The following FAN1 variants were observed in gnomAD, a reference collection of about 807,000 sequenced individuals.
FAN1 encodes fanconi-associated nuclease 1.
FAN1 carries 91 observed loss-of-function variants against 104.9 expected under a neutral mutation model. The ratio of observed to expected loss-of-function variants is 0.87; its 90% CI spans 0.73 to 1.03. The LOEUF is 1.03. FAN1 is among the 50% of genes least tolerant of loss of function. The probability of loss-of-function intolerance (pLI) is 0.00; values close to 1 mark genes in which losing one functional copy is unlikely to be tolerated. For synonymous variants in FAN1, 478 were observed against 457.6 expected (o/e 1.04, Z -0.57); for missense variants, 1,263 against 1,239.9 (o/e 1.02, Z -0.28).
chr15:30,938,648 C>G (rs1173171898), intron 14 of FAN1, among the ~76,000 whole-genome samples: 5 of 152,050 alleles, frequency 3.3e-5, no homozygotes, highest in East Asian at 1.9e-4. Context: ...GACTGGAACC[C>G]CAGTCTGTCT....
At chr15:30,916,099 G>A (rs1038774079) in intron 5 of FAN1, among the ~76,000 whole-genome samples, 9 of 152,080 alleles carry the variant, frequency 5.9e-5, no homozygotes, top group Non-Finnish European at 1.0e-4. Flanking sequence ...GTGTTCAATG[G>A]GAATAACTTT....
intron 12 of FAN1, 28 bp from the exon 13 acceptor site, chr15:30,930,515 G>C (rs376968538): frequency 6.4e-7 from 1 of 1,568,292 alleles, no homozygotes. Context: ...CGAGGGAAGT[G>C]GCTAACTGTC....
At position 30,928,885 on chromosome 15, in the gene FAN1, T is replaced by C. The variant is rs1017810823; in HGVS notation, c.2592+229T>C. 1.6e-5 allele frequency: 12 copies of C among 736,796 alleles called. No individual in the cohort carries two copies. In the African/African-American group the frequency reaches 1.9e-4, roughly 12 times the overall value. The allele number at this position is 736,796 out of a possible 1,614,324, so 45.6% of individuals were successfully genotyped here. Reference sequence around the variant, plus strand: ...TTAGCCTCCACCTTACATTTAGACCTTTCGTATAAAGTACCATCAGCATCA... The same window carrying C: ...TTAGCCTCCACCTTACATTTAGACCCTTCGTATAAAGTACCATCAGCATCA... On this transcript the variant is annotated intron_variant, in intron 11 of 14. Transcript: ENST00000362065.
Position 30,913,853 on chromosome 15 carries a change from T to C in FAN1, c.1578-5T>C, listed in dbSNP as rs1378899237. 1.1e-5 allele frequency: 18 copies of C among 1,586,532 alleles called. No homozygotes were observed. Among genetic ancestry groups the C allele is most frequent in the Non-Finnish European group, 1.5e-5 (18 of 1,164,212 alleles). ...AAAGTTATTTCTACATTGTACATTT[T>C]TCAGAGCCAAAGCCTTGGCTGGACA... On this transcript the variant is annotated splice_region_variant and splice_polypyrimidine_tract_variant and intron_variant, in intron 4 of 14. Coordinates refer to ENST00000362065, the MANE Select transcript of FAN1 (RefSeq NM_014967.5).
Position 30,930,672 on chromosome 15 carries a change from G to T in FAN1, c.2916+1G>T. Reference sequence around the variant, plus strand: ...GAACTCCCAGAGCCGTCACTTTAAGGTCAGTTGAGGCAGAATGGAAAGTCC... The same window carrying T: ...GAACTCCCAGAGCCGTCACTTTAAGTTCAGTTGAGGCAGAATGGAAAGTCC... On this transcript the variant is annotated splice_donor_variant, in intron 13 of 14. Coordinates refer to ENST00000362065, the MANE Select transcript of FAN1 (RefSeq NM_014967.5). LOFTEE classifies it high-confidence loss of function. The T allele has an allele frequency of 6.2e-7, 1 of 1,612,802 alleles. No homozygotes were observed. The highest frequency in any genetic ancestry group is 8.5e-7 in the Non-Finnish European group (1 of 1,179,554).
Position 30,942,839 on chromosome 15 carries a change from G to GC in FAN1, c.*1277_*1278insC. The GC allele has an allele frequency of 6.8e-7, 1 of 1,481,434 alleles. No homozygotes were observed. Among genetic ancestry groups the GC allele is most frequent in the Non-Finnish European group, 9.1e-7 (1 of 1,098,302 alleles). The allele number at this position is 1,481,434 out of a possible 1,614,324, so 91.8% of individuals were successfully genotyped here. A position where few individuals can be genotyped will look rare whatever the true frequency, so the allele number is the denominator to read the frequency against. On this transcript the variant is annotated 3_prime_UTR_variant, in exon 15 of 15. Coordinates refer to ENST00000362065, the MANE Select transcript of FAN1 (RefSeq NM_014967.5). ...TTAACGCTCTCTGTTCTGAAAAAGA[G>GC]GTGTTTGGTTACGTGTGAGCCAACA...
At chr15:30,910,371 T>G (rs762194401) in intron 3 of FAN1, among the ~76,000 whole-genome samples, 12 of 152,218 alleles carry the variant, frequency 7.9e-5, no homozygotes, top group Non-Finnish European at 1.3e-4. Context: ...GTGTCTTTAT[T>G]TTAGTTATGT....
intron 3 of FAN1, 70 bp from the exon 4 acceptor site, chr15:30,910,544 C>A: frequency 2.1e-6 from 2 of 938,438 alleles, no homozygotes; most frequent in Non-Finnish European, 3.1e-6. Context: ...ATTTTATTTT[C>A]ATCTAACTAA....
Position 30,908,154 on chromosome 15 carries a change from G to T in FAN1, c.1271G>T (p.Arg424Leu), listed in dbSNP as rs138307818. 1 of 1,610,068 alleles carries T rather than the reference G, an allele frequency of 6.2e-7. No homozygotes were observed. The highest frequency in any genetic ancestry group is 8.5e-7 in the Non-Finnish European group (1 of 1,178,468). The change falls in exon 3 of 15, where the codon CGT (arginine) becomes CTT (leucine). Residue 424 changes from arginine to leucine, a missense_variant. By Grantham distance (102) the Arg-to-Leu change is moderately radical. Around this residue, in one of 2 missense-constraint regions of FAN1, gnomAD observed 682 missense variants for 571.1 expected, o/e 1.19. Transcript: ENST00000362065. ...GQKLYVRLFQ[R>L]KLSWIKMTKL... The stretch of plus-strand genomic sequence containing the variant: ...AAGTTATATGTAAGGCTCTTTCAAC[G>T]TAAATTAAGCTGGATTAAGATGACC...
intron 8 of FAN1, among the ~76,000 whole-genome samples, chr15:30,924,692 C>T (rs945656897): frequency 6.6e-6 from 1 of 152,144 alleles, no homozygotes; most frequent in African/African-American, 2.4e-5. Flanking sequence ...ATTGACCTGG[C>T]GCTTTGATGT....
chr15:30,938,183 C>CA (rs202231365), intron 14 of FAN1, among the ~76,000 whole-genome samples: 8,379 of 132,756 alleles, frequency 0.063, 346 homozygotes, highest in Admixed American at 0.15. Flanking sequence ...GACTCTGTCT[C>CA]AAAAAAAAAA....
At chr15:30,929,488 G>T in intron 12 of FAN1, 91 bp downstream of exon 12, 1 of 859,836 alleles carries the variant, frequency 1.2e-6, no homozygotes. Context: ...ATACACATGT[G>T]TGTATATGTA....
Position 30,905,284 on chromosome 15 carries a change from G to C in FAN1, c.621G>C (p.Glu207Asp). The change falls in exon 2 of 15, where the codon GAG becomes GAC. Residue 207 changes from glutamate to aspartate, a missense_variant. Physicochemically the swap from Glu to Asp is conservative, Grantham distance 45. Transcript: ENST00000362065. ...SEIEDEDQIL[E>D]NSSQKENVFK... ...TTGAGGACGAGGATCAAATTTTGGA[G>C]AACAGTTCTCAAAAAGAAAACGTGT... The C allele has an allele frequency of 6.2e-7, 1 of 1,614,010 alleles. No individual in the cohort carries two copies. The highest frequency in any genetic ancestry group is 1.1e-5 in the South Asian group (1 of 91,080).
chr15:30,939,854 T>G (rs1046389876), intron 14 of FAN1: 11 of 985,224 alleles, frequency 1.1e-5, no homozygotes, highest in Non-Finnish European at 1.3e-5. Flanking sequence ...TCTATTTGTA[T>G]AAACTGAAAC....
intron 10 of FAN1, 45 bp from the exon 11 acceptor site, chr15:30,928,506 TTG>T (rs61136501): frequency 0.031 from 43,968 of 1,432,572 alleles, 2 homozygotes; most frequent in Non-Finnish European, 0.033. Flanking sequence ...AAAACAGATT[TTG>T]TGTGTGTGTG....
Position 30,942,216 on chromosome 15 carries a change from T to C in FAN1, c.*654T>C. The C allele has an allele frequency of 9.9e-7, 1 of 1,015,170 alleles. No homozygotes were observed. The highest frequency in any genetic ancestry group is 1.4e-6 in the Non-Finnish European group (1 of 695,874). The allele number at this position is 1,015,170 out of a possible 1,614,324, so 62.9% of individuals were successfully genotyped here. ...CATTTTCCTCCCTTCCTTTGTGTCC[T>C]TATTCTAATCCTCCTCCCCTGGAAT... On this transcript the variant is annotated 3_prime_UTR_variant, in exon 15 of 15. Coordinates refer to ENST00000362065, the MANE Select transcript of FAN1 (RefSeq NM_014967.5).
At chr15:30,938,262 A>C (rs2062923191) in intron 14 of FAN1, among the ~76,000 whole-genome samples, 1 of 152,256 alleles carries the variant, frequency 6.6e-6, no homozygotes, top group Non-Finnish European at 1.5e-5. Flanking sequence ...GAGATTCTTG[A>C]ATTAAGTTTT....
At chr15:30,906,679 A>G (rs2061986906) in intron 2 of FAN1, among the ~76,000 whole-genome samples, 2 of 152,202 alleles carry the variant, frequency 1.3e-5, no homozygotes, top group Admixed American at 1.3e-4. Flanking sequence ...CCTGAACATT[A>G]CTATTGATGT....
intron 5 of FAN1, among the ~76,000 whole-genome samples, chr15:30,915,560 G>C (rs2062182512): frequency 6.6e-6 from 1 of 152,090 alleles, no homozygotes; most frequent in Admixed American, 6.5e-5. Context: ...CTTGAGTCCA[G>C]AAATTCGGGA....
Sources: gnomAD v4.1 joint callset for allele counts (sites outside exome capture counted in the v4.1 genomes callset) on GRCh38, gnomAD v4.1.1 for gene constraint, gnomAD v4.1.1 regional missense constraint, MANE v1.5 for transcripts, NCBI Gene and HGNC (gene_info 2026-07-23, HGNC 2026-07-21) for gene names.